SYN3: variants seen among roughly 807,000 people sequenced by gnomAD.
SYN3 encodes the protein synapsin III.
SYN3 carries 35 observed loss-of-function variants against 65.8 expected under a neutral mutation model. That is an observed-to-expected ratio of 0.53 (90% CI 0.41 to 0.70). SYN3 has a LOEUF of 0.70. SYN3 is among the 30% of genes least tolerant of loss of function. SYN3 has a pLI of 0.00. For missense variants in SYN3, 680 were observed against 749.0 expected (o/e 0.91, Z 1.08); for synonymous variants, 270 against 292.9 (o/e 0.92, Z 0.80).
intron 6 of SYN3, among the ~76,000 whole-genome samples, chr22:32,739,285 G>C (rs1487131801): frequency 1.3e-5 from 2 of 151,396 alleles, no homozygotes; most frequent in African/African-American, 4.9e-5. Context: ...TCTCTCTCTT[G>C]TCTGCCACCA....
chr22:32,559,954 T>C (rs1569038334), intron 7 of SYN3, among the ~76,000 whole-genome samples: 1 of 151,236 alleles, frequency 6.6e-6, no homozygotes, highest in Non-Finnish European at 1.5e-5. Context: ...AATGGCGGAG[T>C]GTATGTAACT....
chr22:32,733,036 T>C (rs3788493), intron 6 of SYN3, among the ~76,000 whole-genome samples: 71,090 of 152,006 alleles, frequency 0.47, 17,142 homozygotes, highest in African/African-American at 0.6. Context: ...AAAGTCATGT[T>C]CTTCTCCCCA....
At chr22:32,886,223 T>C (rs985873292) in intron 4 of SYN3, among the ~76,000 whole-genome samples, 5 of 152,230 alleles carry the variant, frequency 3.3e-5, no homozygotes, top group African/African-American at 1.2e-4. Flanking sequence ...AAGACTTTAA[T>C]GAGGTCTGGC....
At chr22:32,800,086 T>C (rs1173788619) in intron 6 of SYN3, among the ~76,000 whole-genome samples, 1 of 152,148 alleles carries the variant, frequency 6.6e-6, no homozygotes, top group Non-Finnish European at 1.5e-5. Context: ...AAAAGGAGTT[T>C]CAAAAATGTT....
chr22:32,565,113 C>G (rs1043141457), intron 7 of SYN3, among the ~76,000 whole-genome samples: 2 of 151,814 alleles, frequency 1.3e-5, no homozygotes, highest in Admixed American at 6.6e-5. Flanking sequence ...TGCACCCAGA[C>G]AGTGCTCCCG....
chr22:32,822,742 T>G (rs936841129), intron 6 of SYN3, among the ~76,000 whole-genome samples: 16 of 151,926 alleles, frequency 1.1e-4, no homozygotes, highest in Non-Finnish European at 1.8e-4. Flanking sequence ...TCAAAGGAGG[T>G]GGGTGTGGCC....
chr22:33,000,730 G>A (rs1196834630), intron 2 of SYN3, among the ~76,000 whole-genome samples: 1 of 152,220 alleles, frequency 6.6e-6, no homozygotes, highest in African/African-American at 2.4e-5. Flanking sequence ...AAAGGGGAAA[G>A]AAGGGGGCCC....
chr22:32,640,859 T>A (rs1202651655), intron 6 of SYN3, among the ~76,000 whole-genome samples: 1 of 151,896 alleles, frequency 6.6e-6, no homozygotes, highest in East Asian at 1.9e-4. Flanking sequence ...AGAGCAAGAC[T>A]CTGTCTCGGA....
At chr22:32,546,698 C>T (rs985826422) in intron 7 of SYN3, among the ~76,000 whole-genome samples, 8 of 151,822 alleles carry the variant, frequency 5.3e-5, no homozygotes, top group Non-Finnish European at 1.2e-4. Flanking sequence ...GGCTGGAAAT[C>T]CCTCCAAGGG....
intron 11 of SYN3, among the ~76,000 whole-genome samples, chr22:32,528,301 T>C (rs748627152): frequency 6.6e-6 from 1 of 152,194 alleles, no homozygotes; most frequent in African/African-American, 2.4e-5. Context: ...CATAGATTAC[T>C]TTCTGTGGGG....
chr22:32,581,408 G>T (rs111424115), intron 7 of SYN3, among the ~76,000 whole-genome samples: 4 of 152,336 alleles, frequency 2.6e-5, no homozygotes, highest in African/African-American at 9.6e-5. Context: ...CGTAGCTCCC[G>T]GCCAACTGGG....
At chr22:32,800,776 G>A (rs1245285849) in intron 6 of SYN3, among the ~76,000 whole-genome samples, 1 of 152,116 alleles carries the variant, frequency 6.6e-6, no homozygotes, top group Admixed American at 6.5e-5. Flanking sequence ...CATGCCCAGG[G>A]TCTTTGCACT....
chr22:32,756,433 A>G (rs777797040), intron 6 of SYN3, among the ~76,000 whole-genome samples: 1 of 152,218 alleles, frequency 6.6e-6, no homozygotes, highest in Non-Finnish European at 1.5e-5. Context: ...AAAAAATAAT[A>G]ATTTATAATG....
intron 1 of SYN3, among the ~76,000 whole-genome samples, chr22:33,037,212 T>G (rs1467531976): frequency 6.6e-6 from 1 of 152,210 alleles, no homozygotes; most frequent in Admixed American, 6.5e-5. Context: ...AATCCTTTGT[T>G]ATTATCTCTG....
At chr22:32,691,262 G>C (rs1436420405) in intron 6 of SYN3, among the ~76,000 whole-genome samples, 4 of 152,080 alleles carry the variant, frequency 2.6e-5, no homozygotes, top group Non-Finnish European at 4.4e-5. Flanking sequence ...ACTACTGCCA[G>C]GACAGCGCTG....
intron 3 of SYN3, among the ~76,000 whole-genome samples, chr22:32,948,615 T>C (rs1044349017): frequency 2.6e-5 from 4 of 151,970 alleles, no homozygotes; most frequent in Admixed American, 2.6e-4. Context: ...CGGGTGCCTG[T>C]AGTCTCAGCT....
In SYN3 at chr22:32,528,909, G is replaced by T; in HGVS notation, c.1195C>A (p.Pro399Thr). The T allele has an allele frequency of 6.2e-7, 1 of 1,614,158 alleles. No homozygotes were observed. The highest frequency in any genetic ancestry group is 8.5e-7 in the Non-Finnish European group (1 of 1,180,044). ...AGGGGGGAGGGCGCTGTGCCTCCTG[G>T]CATCGGGAGCTGGCTCATTTTGGAG... ...VVSKMSQLPMPGGTAPSPLRP... is the reference protein window; with the variant it reads ...VVSKMSQLPMTGGTAPSPLRP... The change falls in exon 11 of 14, where the codon CCA (proline) becomes ACA (threonine). Residue 399 changes from proline to threonine, a missense_variant. By Grantham distance (38) the Pro-to-Thr change is conservative (BLOSUM62 -1). Transcript: ENST00000358763.
chr22:32,911,850 C>T (rs986651342), intron 4 of SYN3, among the ~76,000 whole-genome samples: 3 of 152,138 alleles, frequency 2.0e-5, no homozygotes, highest in African/African-American at 7.2e-5. Flanking sequence ...GCTCTGTCAC[C>T]AGCAGAGGCC....
At chr22:32,958,258 T>C (rs1483436864) in intron 3 of SYN3, among the ~76,000 whole-genome samples, 2 of 152,178 alleles carry the variant, frequency 1.3e-5, no homozygotes, top group African/African-American at 2.4e-5. Flanking sequence ...CGACTCCCCC[T>C]AGACCCAGAG....
Sources: allele counts gnomAD v4.1 joint callset (sites outside exome capture counted in the v4.1 genomes callset), GRCh38; gene constraint gnomAD v4.1.1; transcripts MANE v1.5; gene names NCBI Gene and HGNC (gene_info 2026-07-23, HGNC 2026-07-21).